STK32B: variants seen among roughly 807,000 people sequenced by gnomAD.
STK32B encodes the protein serine/threonine kinase 32B.
In STK32B, 43 loss-of-function variants were observed where a neutral mutation model predicts 52.6. The ratio of observed to expected loss-of-function variants is 0.82; its 90% CI spans 0.64 to 1.05. The LOEUF is 1.05. Ranked by LOEUF, STK32B falls within the 50% of genes least tolerant of loss-of-function variation. The pLI is 0.00. For synonymous variants in STK32B, 238 were observed against 204.3 expected (o/e 1.17, Z -1.41); for missense variants, 621 against 534.6 (o/e 1.16, Z -1.59).
At chr4:5,055,852 C>G (rs963625868) in intron 1 of STK32B, among the ~76,000 whole-genome samples, 2 of 147,536 alleles carry the variant, frequency 1.4e-5, no homozygotes, top group Non-Finnish European at 3.0e-5. Flanking sequence ...CATTCCAAAT[C>G]CTTTTCCTTG....
At chr4:5,228,933 C>G (rs1156759316) in intron 3 of STK32B, among the ~76,000 whole-genome samples, 2 of 152,118 alleles carry the variant, frequency 1.3e-5, no homozygotes, top group Non-Finnish European at 2.9e-5. Flanking sequence ...TGCCATTGCA[C>G]TCCAGCTTGG....
intron 3 of STK32B, among the ~76,000 whole-genome samples, chr4:5,265,684 A>G (rs1324046268): frequency 6.6e-6 from 1 of 152,234 alleles, no homozygotes; most frequent in Non-Finnish European, 1.5e-5. Context: ...ATATGCTAAT[A>G]AACCTTTCCA....
chr4:5,127,446 A>T (rs1349547775), intron 1 of STK32B, among the ~76,000 whole-genome samples: 1 of 152,206 alleles, frequency 6.6e-6, no homozygotes, highest in African/African-American at 2.4e-5. Context: ...GATGTGGCTC[A>T]TTCAGTTACA....
intron 3 of STK32B, among the ~76,000 whole-genome samples, chr4:5,278,073 G>A (rs1727949973): frequency 6.6e-6 from 1 of 152,234 alleles, no homozygotes; most frequent in Admixed American, 6.5e-5. Flanking sequence ...GGCAGATGAG[G>A]TGACTCAGGT....
the STK32B span, among the ~76,000 whole-genome samples, chr4:5,038,003 C>A: frequency 6.6e-6 from 1 of 152,260 alleles, no homozygotes; most frequent in South Asian, 2.1e-4. Flanking sequence ...ACCCGTCCAT[C>A]CTTGCTTTGC....
At chr4:5,127,035 C>T in intron 1 of STK32B, 1 of 476,454 alleles carries the variant, frequency 2.1e-6, no homozygotes, top group South Asian at 1.5e-5. Context: ...TCAGAATGCT[C>T]AATGCTGAGA....
At chr4:5,122,153 CCTT>C (rs1715062837) in intron 1 of STK32B, among the ~76,000 whole-genome samples, 1 of 150,462 alleles carries the variant, frequency 6.6e-6, no homozygotes, top group Non-Finnish European at 1.5e-5. Context: ...CTCATTCACT[CCTT>C]CATTCACTTA....
At position 5,159,600 on chromosome 4, in the gene STK32B, T is replaced by TATATATATGA. The variant is rs1283965387; in HGVS notation, c.109-8670_109-8661dup. 7.6e-5 allele frequency among the ~76,000 whole-genome samples: 7 copies of TATATATATGA among 92,678 alleles called. No individual in the cohort carries two copies. In the East Asian group the frequency reaches 1.1e-3, roughly 15 times the overall value. The allele number at this position is 92,678 out of a possible 152,430, so 60.8% of individuals were successfully genotyped here. A position where few individuals can be genotyped will look rare whatever the true frequency, so the allele number is the denominator to read the frequency against. On this transcript the variant is annotated intron_variant, in intron 2 of 11. Transcript: ENST00000282908. The stretch of plus-strand genomic sequence containing the variant: ...GAATATATATATGAATATATATGAA[T>TATATATATGA]ATATATATGAATATATATGAATATA...
At chr4:5,222,568 T>G (rs549691736) in intron 3 of STK32B, among the ~76,000 whole-genome samples, 37 of 152,330 alleles carry the variant, frequency 2.4e-4, no homozygotes, top group African/African-American at 8.9e-4. Context: ...TGTTACACAA[T>G]GACAAAGAAC....
intron 3 of STK32B, among the ~76,000 whole-genome samples, chr4:5,236,271 G>A (rs536264323): frequency 3.9e-5 from 6 of 152,102 alleles, no homozygotes; most frequent in Non-Finnish European, 7.4e-5. Flanking sequence ...ACTCAGATAC[G>A]TAAAGACCTA....
chr4:5,041,087 C>T, the STK32B span, among the ~76,000 whole-genome samples: 1 of 152,142 alleles, frequency 6.6e-6, no homozygotes, highest in Non-Finnish European at 1.5e-5. Context: ...ACGTATGGTT[C>T]CTGCTTTCTG....
At chr4:5,167,272 G>T (rs1389233554) in intron 2 of STK32B, among the ~76,000 whole-genome samples, 1 of 152,204 alleles carries the variant, frequency 6.6e-6, no homozygotes, top group African/African-American at 2.4e-5. Context: ...CTGCCACTTG[G>T]TGGTTTGTTG....
intron 3 of STK32B, among the ~76,000 whole-genome samples, chr4:5,286,278 ATAAC>A (rs1371673439): frequency 6.6e-6 from 1 of 152,234 alleles, no homozygotes; most frequent in Admixed American, 6.5e-5. Flanking sequence ...AGACTTCTCA[ATAAC>A]TAACAAGTCA....
chr4:5,412,618 T>G (rs1711791126), intron 5 of STK32B, among the ~76,000 whole-genome samples: 1 of 152,154 alleles, frequency 6.6e-6, no homozygotes, highest in Non-Finnish European at 1.5e-5. Context: ...CCTTGAGACC[T>G]TGGCCCCAAC....
intron 3 of STK32B, among the ~76,000 whole-genome samples, chr4:5,290,240 G>T (rs10022443): frequency 6.6e-6 from 1 of 151,032 alleles, no homozygotes; most frequent in Non-Finnish European, 1.5e-5. Context: ...ATAATAAATC[G>T]ACGTTAGTAT....
intron 1 of STK32B, among the ~76,000 whole-genome samples, chr4:5,097,225 T>C (rs1431220430): frequency 1.3e-5 from 2 of 152,212 alleles, no homozygotes; most frequent in Admixed American, 1.3e-4. Context: ...GCCTGTTTGA[T>C]TTCTGCCATA....
intron 6 of STK32B, among the ~76,000 whole-genome samples, chr4:5,420,870 G>T (rs1712576867): frequency 7.5e-6 from 1 of 132,532 alleles, no homozygotes; most frequent in African/African-American, 2.8e-5. Context: ...CTGGACCACT[G>T]GAGAAGTTCG....
At chr4:5,274,897 A>G (rs1727710441) in intron 3 of STK32B, among the ~76,000 whole-genome samples, 1 of 152,186 alleles carries the variant, frequency 6.6e-6, no homozygotes, top group Non-Finnish European at 1.5e-5. Context: ...CGAGGCGCCC[A>G]TTGCCACTCC....
chr4:5,412,341 T>C (rs1711764037), intron 5 of STK32B, among the ~76,000 whole-genome samples: 1 of 152,234 alleles, frequency 6.6e-6, no homozygotes, highest in Admixed American at 6.5e-5. Context: ...ATTTTCACTT[T>C]CCTACATCTT....
Sources: gnomAD v4.1 joint callset for allele counts (sites outside exome capture counted in the v4.1 genomes callset) on GRCh38, gnomAD v4.1.1 for gene constraint, MANE v1.5 for transcripts, NCBI Gene and HGNC (gene_info 2026-07-23, HGNC 2026-07-21) for gene names.